The following GALNT13 variants were observed in gnomAD, a reference collection of about 807,000 sequenced individuals.
GALNT13 encodes the protein UDP-GalNAc:polypeptide N-acetylgalactosaminyltransferase 13.
A neutral mutation model predicts 64.2 loss-of-function variants in GALNT13; 28 were observed. The observed-to-expected ratio is 0.44, with a 90% CI of 0.32 to 0.60. GALNT13 has a LOEUF of 0.60. Among genes scored for constraint, GALNT13 ranks in the 20% least tolerant of loss-of-function variants. The pLI is 0.05. For synonymous variants in GALNT13, 214 were observed against 224.6 expected (o/e 0.95, Z 0.42); for missense variants, 577 against 669.8 (o/e 0.86, Z 1.53).
chr2:153,238,144 A>C, the GALNT13 span, among the ~76,000 whole-genome samples: 1 of 152,008 alleles, frequency 6.6e-6, no homozygotes, highest in Non-Finnish European at 1.5e-5. Context: ...TTTTTGGGAA[A>C]TATCTATTCA....
intron 3 of GALNT13, among the ~76,000 whole-genome samples, chr2:154,133,080 A>G (rs1188788141): frequency 6.6e-6 from 1 of 152,134 alleles, no homozygotes; most frequent in Non-Finnish European, 1.5e-5. Flanking sequence ...TTGGCATATA[A>G]CCTTCCATCT....
At chr2:153,940,205 G>A (rs1203099574) in intron 2 of GALNT13, among the ~76,000 whole-genome samples, 1 of 150,812 alleles carries the variant, frequency 6.6e-6, no homozygotes, top group East Asian at 1.9e-4. Flanking sequence ...TTATTACAGT[G>A]GACACTTTGG....
rs780427002 is a variant in GALNT13 at position 154,201,015 on chromosome 2, A to G, written c.312-41015A>G. ...TTTAAGAAAATACTTTTGGAATATT[A>G]TCAGTTCCTACATTTGAAGTCTCTT... On this transcript the variant is annotated intron_variant, in intron 4 of 12. Coordinates refer to ENST00000392825, the MANE Select transcript of GALNT13 (RefSeq NM_052917.4). Among the ~76,000 whole-genome samples, 135 of 152,144 alleles carry G rather than the reference A, an allele frequency of 8.9e-4. 4 individuals carry two copies. The highest frequency in any genetic ancestry group is 4.7e-4 in the Non-Finnish European group (32 of 68,004).
chr2:153,944,183 A>C (rs1257722505), intron 2 of GALNT13, among the ~76,000 whole-genome samples: 1 of 152,190 alleles, frequency 6.6e-6, no homozygotes, highest in Non-Finnish European at 1.5e-5. Flanking sequence ...GGCCTGGCAG[A>C]GTAGTGGCAG....
the GALNT13 span, among the ~76,000 whole-genome samples, chr2:153,385,680 A>T: frequency 6.6e-6 from 1 of 152,164 alleles, no homozygotes; most frequent in African/African-American, 2.4e-5. Context: ...TAATAATTTA[A>T]TTGTACATTT....
chr2:154,285,026 T>C (rs1448782361), intron 8 of GALNT13, among the ~76,000 whole-genome samples: 1 of 152,200 alleles, frequency 6.6e-6, no homozygotes, highest in Non-Finnish European at 1.5e-5. Flanking sequence ...ATATCTTTTT[T>C]TGAGAATTAT....
chr2:153,990,940 T>C (rs1025158103), intron 3 of GALNT13, among the ~76,000 whole-genome samples: 8 of 152,196 alleles, frequency 5.3e-5, no homozygotes, highest in Admixed American at 1.3e-4. Flanking sequence ...AGAAAACAAC[T>C]GAAGCTAGCA....
intron 11 of GALNT13, among the ~76,000 whole-genome samples, chr2:154,416,300 G>A (rs559440036): frequency 3.0e-4 from 45 of 152,044 alleles, no homozygotes; most frequent in African/African-American, 1.1e-3. Context: ...TGTCTGATGA[G>A]GGAAAAGTTC....
chr2:153,403,498 T>A, the GALNT13 span, among the ~76,000 whole-genome samples: 1 of 152,196 alleles, frequency 6.6e-6, no homozygotes, highest in South Asian at 2.1e-4. Context: ...TAATCAAGCC[T>A]GGGCAAAGGC....
At chr2:153,285,544 T>TA in the GALNT13 span, among the ~76,000 whole-genome samples, 1 of 152,176 alleles carries the variant, frequency 6.6e-6, no homozygotes, top group Admixed American at 6.6e-5. Context: ...AAGAAAAGGA[T>TA]AATATTTACA....
chr2:154,450,023 T>C (rs1293079483), intron 12 of GALNT13, among the ~76,000 whole-genome samples: 2 of 152,024 alleles, frequency 1.3e-5, no homozygotes, highest in Non-Finnish European at 2.9e-5. Flanking sequence ...TATTTGCATG[T>C]TTACCAAATG....
intron 9 of GALNT13, among the ~76,000 whole-genome samples, chr2:154,360,310 C>T (rs1696992152): frequency 6.6e-6 from 1 of 152,070 alleles, no homozygotes; most frequent in Non-Finnish European, 1.5e-5. Flanking sequence ...AACAATAATC[C>T]ATTTATAGTC....
chr2:153,962,731 G>C (rs969208558), intron 3 of GALNT13, among the ~76,000 whole-genome samples: 6 of 152,092 alleles, frequency 3.9e-5, no homozygotes, highest in South Asian at 2.1e-4. Flanking sequence ...TGGACAAATG[G>C]ATCTCAGATT....
At chr2:153,760,578 A>G in the GALNT13 span, among the ~76,000 whole-genome samples, 3 of 152,062 alleles carry the variant, frequency 2.0e-5, no homozygotes, top group Non-Finnish European at 2.9e-5. Flanking sequence ...TTATAATTGC[A>G]TACACTTGGA....
rs761092607 is a variant in GALNT13, at chr2:154,242,207, G to T, written c.478+11G>T. The T allele has an allele frequency of 3.9e-5, 63 of 1,599,846 alleles. No individual in the cohort carries two copies. The highest frequency in any genetic ancestry group is 5.1e-5 in the Non-Finnish European group (60 of 1,175,190). ...ATGCCAGTGAAAGAGGTACAAACTGGTTTTTTGTTTTTGTTTTTGTTTTTT... is the reference window on the plus strand; with the variant it reads ...ATGCCAGTGAAAGAGGTACAAACTGTTTTTTTGTTTTTGTTTTTGTTTTTT... On this transcript the variant is annotated intron_variant, in intron 5 of 12. Transcript: ENST00000392825.
the GALNT13 span, among the ~76,000 whole-genome samples, chr2:153,297,815 T>C: frequency 6.6e-6 from 1 of 152,230 alleles, no homozygotes; most frequent in Non-Finnish European, 1.5e-5. Context: ...ATTCCTTTTG[T>C]AGATAGCAAG....
At chr2:154,428,244 CAG>C (rs1700553807) in intron 11 of GALNT13, among the ~76,000 whole-genome samples, 1 of 152,176 alleles carries the variant, frequency 6.6e-6, no homozygotes, top group Non-Finnish European at 1.5e-5. Context: ...GCTTCAGGTT[CAG>C]AGAGACCTCC....
At chr2:153,326,437 C>G in the GALNT13 span, among the ~76,000 whole-genome samples, 23 of 151,840 alleles carry the variant, frequency 1.5e-4, no homozygotes, top group African/African-American at 5.3e-4. Context: ...GACTGTTTAT[C>G]CAATTTGCCA....
chr2:153,779,097 A>G, the GALNT13 span, among the ~76,000 whole-genome samples: 1 of 152,322 alleles, frequency 6.6e-6, no homozygotes, highest in African/African-American at 2.4e-5. Flanking sequence ...AGCTCCTAAT[A>G]CAGTGCCTAG....
Sources: allele counts gnomAD v4.1 joint callset (sites outside exome capture counted in the v4.1 genomes callset), GRCh38; gene constraint gnomAD v4.1.1; transcripts MANE v1.5; gene names NCBI Gene and HGNC (gene_info 2026-07-23, HGNC 2026-07-21).